Variants in PCBP2 observed in about 807,000 individuals in gnomAD.
PCBP2 encodes poly(rC) binding protein 2, also known as poly(rC)-binding protein 2.
In PCBP2, 4 loss-of-function variants were observed where a neutral mutation model predicts 50.1. That is an observed-to-expected ratio of 0.08 (90% CI 0.04 to 0.18). The LOEUF (loss-of-function observed/expected upper bound fraction) is 0.18, where lower values mean the gene tolerates loss of function less well. Ranked by LOEUF, PCBP2 falls within the 10% of genes least tolerant of loss-of-function variation. The pLI is 1.00. For synonymous variants in PCBP2, 179 were observed against 168.0 expected (o/e 1.07, Z -0.51); for missense variants, 161 against 474.3 (o/e 0.34, Z 6.14).
chr12:53,462,611 A>T, intron 8 of PCBP2, 44 bp downstream of exon 8: 2 of 1,510,606 alleles, frequency 1.3e-6, no homozygotes, highest in Non-Finnish European at 1.8e-6. Context: ...CAGAGATTAT[A>T]TTTGAAATGT....
At chr12:53,468,046 G>T in intron 12 of PCBP2, 1 of 583,450 alleles carries the variant, frequency 1.7e-6, no homozygotes, top group Non-Finnish European at 3.0e-6. Flanking sequence ...TGAGACAGCA[G>T]CCATAGCTGA....
chr12:53,468,917 C>CTTTTT (rs5798266), intron 13 of PCBP2, 85 bp downstream of exon 13: 58 of 574,488 alleles, frequency 1.0e-4, no homozygotes, highest in East Asian at 4.4e-4. Flanking sequence ...TCCTGCTACC[C>CTTTTT]TTTTTTTTTT....
At chr12:53,468,585 G>C in intron 12 of PCBP2, 192 bp from the exon 13 acceptor site, 5 of 590,368 alleles carry the variant, frequency 8.5e-6, no homozygotes, top group Non-Finnish European at 1.5e-5. Context: ...GTGTACAGAA[G>C]AACCTTTCGA....
chr12:53,469,360 TATG>T (rs1278322521), intron 13 of PCBP2, among the ~76,000 whole-genome samples: 2 of 152,068 alleles, frequency 1.3e-5, no homozygotes, highest in African/African-American at 4.8e-5. Flanking sequence ...TGATGACAAA[TATG>T]ATAAGAGAAA....
intron 14 of PCBP2, among the ~76,000 whole-genome samples, chr12:53,478,798 T>G (rs1204481428): frequency 6.7e-6 from 1 of 149,300 alleles, no homozygotes; most frequent in Non-Finnish European, 1.5e-5. Flanking sequence ...AGAGCTAGAC[T>G]CTGTCTCAAT....
At chr12:53,472,429 T>C (rs1225592850) in intron 14 of PCBP2, among the ~76,000 whole-genome samples, 1 of 152,232 alleles carries the variant, frequency 6.6e-6, no homozygotes, top group Non-Finnish European at 1.5e-5. Context: ...ATTTCCCTTA[T>C]CCATAGCTAG....
At chr12:53,474,539 C>A (rs1458818356) in intron 14 of PCBP2, among the ~76,000 whole-genome samples, 1 of 152,192 alleles carries the variant, frequency 6.6e-6, no homozygotes, top group Non-Finnish European at 1.5e-5. Flanking sequence ...TGATGAGTAT[C>A]TTTTTCTACC....
In PCBP2 at chr12:53,455,843, C is replaced by A. The variant is rs1025178107; in HGVS notation, c.127-42C>A. On this transcript the variant is annotated intron_variant, in intron 4 of 14. Transcript: ENST00000546463. ...CTGTAGATCCTGTACATACTCAGAT[C>A]TTCTTTGTTTTAACTTCTTTTGGAT... is the stretch of plus-strand genomic sequence containing the variant. 8 of 1,332,558 alleles carry A rather than the reference C, an allele frequency of 6.0e-6. No homozygotes were observed. The Admixed American group carries it at 1.2e-4, about 20-fold the overall frequency. The allele number at this position is 1,332,558 out of a possible 1,614,324, so 82.5% of individuals were successfully genotyped here. A position where few individuals can be genotyped will look rare whatever the true frequency, so the allele number is the denominator to read the frequency against.
chr12:53,468,633 T>C, intron 12 of PCBP2, 144 bp from the exon 13 acceptor site: 1 of 686,034 alleles, frequency 1.5e-6, no homozygotes, highest in South Asian at 1.7e-5. Flanking sequence ...CTCTTTCCTC[T>C]TTGGAGGCTT....
Position 53,480,059 on chromosome 12 carries a change from C to G in PCBP2, c.*617C>G, listed in dbSNP as rs1335410613. ...CCAAAAGATTGAGGATTAGACTTTCCGAGGACTTACCTGTCCTAGGGGAGT... is the reference window on the plus strand; with the variant it reads ...CCAAAAGATTGAGGATTAGACTTTCGGAGGACTTACCTGTCCTAGGGGAGT... On this transcript the variant is annotated 3_prime_UTR_variant, in exon 15 of 15. Transcript: ENST00000546463. 1 of 151,618 alleles carries G rather than the reference C, an allele frequency of 6.6e-6. No homozygotes were observed. The highest frequency in any genetic ancestry group is 1.9e-4 in the East Asian group (1 of 5,166). 9.4% of individuals were successfully genotyped at this position (151,618 alleles called of 1,614,324 possible).
At chr12:53,478,327 G>GT (rs1454045512) in intron 14 of PCBP2, among the ~76,000 whole-genome samples, 1 of 151,692 alleles carries the variant, frequency 6.6e-6, no homozygotes, top group Non-Finnish European at 1.5e-5. Flanking sequence ...GGCCAACATG[G>GT]TGAAACTCTG....
chr12:53,479,309 C>A, intron 14 of PCBP2, 97 bp from the exon 15 acceptor site: 2 of 1,037,356 alleles, frequency 1.9e-6, no homozygotes, highest in Non-Finnish European at 3.0e-6. Flanking sequence ...GGTACTCCAG[C>A]ACTGGTTATT....
chr12:53,478,773 T>C (rs945648012), intron 14 of PCBP2, among the ~76,000 whole-genome samples: 1 of 152,178 alleles, frequency 6.6e-6, no homozygotes, highest in African/African-American at 2.4e-5. Context: ...ATCACTGTAC[T>C]CTAGCCTGGG....
At chr12:53,472,732 G>T (rs564396208) in intron 14 of PCBP2, among the ~76,000 whole-genome samples, 14 of 152,298 alleles carry the variant, frequency 9.2e-5, no homozygotes, top group African/African-American at 2.9e-4. Flanking sequence ...TCTGTATTGT[G>T]CTTGTACTGA....
At chr12:53,468,936 T>TTC in intron 13 of PCBP2, 104 bp downstream of exon 13, 2 of 852,438 alleles carry the variant, frequency 2.3e-6, no homozygotes, top group East Asian at 5.2e-5. Flanking sequence ...TTTTTTTTTT[T>TTC]AAACAGCCCA....
In PCBP2 at chr12:53,455,364, C is replaced by T. The variant is rs749720708; in HGVS notation, c.87C>T (p.Ile29=). The change falls in exon 3 of 15, where the codon ATC becomes ATT. Residue 29 remains isoleucine, a synonymous_variant. Transcript: ENST00000546463. ...LMHGKEVGSI[I]GKKGESVKKM... Reference sequence around the variant, plus strand: ...CATTGCAGGAAGTTGGCAGTATCATCGGAAAGGTAAGACAATTTCACTTCA... The same window carrying T: ...CATTGCAGGAAGTTGGCAGTATCATTGGAAAGGTAAGACAATTTCACTTCA... The T allele has an allele frequency of 3.7e-6, 6 of 1,613,970 alleles. No homozygotes were observed. The highest frequency in any genetic ancestry group is 1.7e-5 in the Admixed American group (1 of 60,034).
In PCBP2 at chr12:53,480,975, A is replaced by AGGTCAGGGGCCCCTGCAC; in HGVS notation, c.*1533_*1534insGGTCAGGGGCCCCTGCAC. On this transcript the variant is annotated 3_prime_UTR_variant, in exon 15 of 15. Coordinates refer to ENST00000546463, the MANE Select transcript of PCBP2 (RefSeq NM_031989.5). ...GGGGCTTGCCCTTAGCCACAGCTCT[A>AGGTCAGGGGCCCCTGCAC]CGGCTGTGCCTCATTCATTTCCACA... 5.4e-6 allele frequency: 1 copy of AGGTCAGGGGCCCCTGCAC among 183,862 alleles called. No individual in the cohort carries two copies. Among genetic ancestry groups the AGGTCAGGGGCCCCTGCAC allele is most frequent in the African/African-American group, 2.4e-5 (1 of 42,216 alleles). The allele number at this position is 183,862 out of a possible 1,614,324, so 11.4% of individuals were successfully genotyped here. A position where few individuals can be genotyped will look rare whatever the true frequency, so the allele number is the denominator to read the frequency against.
chr12:53,464,545 T>G, intron 8 of PCBP2: 1 of 549,962 alleles, frequency 1.8e-6, no homozygotes, highest in South Asian at 2.3e-5. Context: ...ACCCCTTCAT[T>G]CTTATTGAAA....
chr12:53,455,857 C>T, intron 4 of PCBP2, 28 bp from the exon 5 acceptor site: 4 of 1,461,526 alleles, frequency 2.7e-6, no homozygotes, highest in Non-Finnish European at 3.8e-6. Flanking sequence ...TTTGTTTTAA[C>T]TTCTTTTGGA....
Sources: gnomAD v4.1 joint callset for allele counts (sites outside exome capture counted in the v4.1 genomes callset) on GRCh38, gnomAD v4.1.1 for gene constraint, MANE v1.5 for transcripts, NCBI Gene and HGNC (gene_info 2026-07-23, HGNC 2026-07-21) for gene names.